The following ZNF474 variants were observed in gnomAD, a reference collection of about 807,000 sequenced individuals.
ZNF474 encodes the protein zinc finger protein 474, also known as 4933409D10Rik.
For missense variants in ZNF474, 511 were observed against 433.8 expected (o/e 1.18, Z -1.58); for synonymous variants, 192 against 162.2 (o/e 1.18, Z -1.39).
In ZNF474 at chr5:122,152,828, A is replaced by G; in HGVS notation, c.838A>G (p.Asn280Asp). The change falls in exon 2 of 2, where the codon AAT becomes GAT. Residue 280 changes from asparagine (N) to aspartate (D), a missense_variant. Transcript: ENST00000296600. ...TGCACAGTCCAGCCAAGCGGGACCAAATCAAGCTCAGCTTGTGTTCTGCCC... is the reference window on the plus strand; with the variant it reads ...TGCACAGTCCAGCCAAGCGGGACCAGATCAAGCTCAGCTTGTGTTCTGCCC... ...PNAQSSQAGPNQAQLVFCPHC... is the reference protein window; with the variant it reads ...PNAQSSQAGPDQAQLVFCPHC... 2 of 1,614,150 alleles carry G rather than the reference A, an allele frequency of 1.2e-6. No individual in the cohort carries two copies. Among genetic ancestry groups the G allele is most frequent in the Non-Finnish European group, 1.7e-6 (2 of 1,180,020 alleles).
chr5:122,151,349 G>A (rs564436756), intron 1 of ZNF474, among the ~76,000 whole-genome samples: 2 of 152,296 alleles, frequency 1.3e-5, no homozygotes, highest in East Asian at 1.9e-4. Context: ...GATCTCTGAC[G>A]TAGTGGAAGT....
intron 1 of ZNF474, among the ~76,000 whole-genome samples, chr5:122,147,632 T>C (rs1314246833): frequency 1.3e-5 from 2 of 152,074 alleles, no homozygotes; most frequent in East Asian, 3.9e-4. Context: ...GTGTTCGGCT[T>C]TCTGTCCTTG....
chr5:122,143,123 G>A (rs1032016973), intron 1 of ZNF474, among the ~76,000 whole-genome samples: 2 of 152,116 alleles, frequency 1.3e-5, no homozygotes, highest in Admixed American at 1.3e-4. Context: ...ACAGAAATAA[G>A]GCACAACTTT....
chr5:122,137,591 C>T (rs536458622), intron 1 of ZNF474, among the ~76,000 whole-genome samples: 12 of 151,266 alleles, frequency 7.9e-5, no homozygotes, highest in African/African-American at 2.9e-4. Context: ...AGAGCATGTG[C>T]AAAGCCTCTT....
In ZNF474 at chr5:122,153,270, C is replaced by T. The variant is rs1756248572; in HGVS notation, c.*185C>T. 3 of 611,864 alleles carry T rather than the reference C, an allele frequency of 4.9e-6. No homozygotes were observed. The highest frequency in any genetic ancestry group is 8.1e-6 in the Non-Finnish European group (3 of 372,162). 37.9% of individuals were successfully genotyped at this position (611,864 alleles called of 1,614,324 possible). A position where few individuals can be genotyped will look rare whatever the true frequency, so the allele number is the denominator to read the frequency against. ...TGCCTGATGGGTTCATATTCCTCTT[C>T]AATTCTGCTGTCTAAAAGAAGAAGA... On this transcript the variant is annotated 3_prime_UTR_variant, in exon 2 of 2. Coordinates refer to ENST00000296600, the MANE Select transcript of ZNF474 (RefSeq NM_207317.3).
intron 1 of ZNF474, among the ~76,000 whole-genome samples, chr5:122,134,012 G>T (rs1283226059): frequency 1.3e-5 from 2 of 152,064 alleles, no homozygotes; most frequent in Non-Finnish European, 2.9e-5. Flanking sequence ...AGACTATCTG[G>T]GTGAATGATA....
intron 1 of ZNF474, among the ~76,000 whole-genome samples, chr5:122,134,410 C>T (rs768934864): frequency 7.2e-5 from 11 of 152,134 alleles, no homozygotes; most frequent in Non-Finnish European, 2.9e-5. Context: ...TGATTAATAA[C>T]TTGATGTCTT....
In ZNF474 at chr5:122,152,930, A is replaced by G; in HGVS notation, c.940A>G (p.Lys314Glu). 6.2e-7 allele frequency: 1 copy of G among 1,607,890 alleles called. No homozygotes were observed. The highest frequency in any genetic ancestry group is 8.5e-7 in the Non-Finnish European group (1 of 1,179,898). The stretch of plus-strand genomic sequence containing the variant: ...TTGTAAAACTCATCCTTATGGGCCA[A>G]AATATCAGAATTTGAATTTAGGGAG... ...RSCKTHPYGP[K>E]YQNLNLGSKG... Residue 314 changes from lysine (K) to glutamate (E), a missense_variant, in exon 2 of 2, where the codon AAA (lysine) becomes GAA (glutamate). Transcript: ENST00000296600.
chr5:122,138,920 A>G (rs1269221376), intron 1 of ZNF474, among the ~76,000 whole-genome samples: 1 of 152,204 alleles, frequency 6.6e-6, no homozygotes, highest in Admixed American at 6.6e-5. Flanking sequence ...GAAAGAATGG[A>G]AAAATATATA....
At chr5:122,148,392 T>C (rs1272660358) in intron 1 of ZNF474, among the ~76,000 whole-genome samples, 2 of 152,214 alleles carry the variant, frequency 1.3e-5, no homozygotes, top group African/African-American at 2.4e-5. Flanking sequence ...AATGGACGTT[T>C]TGTGATGTTT....
chr5:122,133,420 T>C (rs1325514977), intron 1 of ZNF474, among the ~76,000 whole-genome samples: 1 of 152,240 alleles, frequency 6.6e-6, no homozygotes, highest in African/African-American at 2.4e-5. Flanking sequence ...CAGAAAATTA[T>C]AAACATTCAA....
intron 1 of ZNF474, among the ~76,000 whole-genome samples, chr5:122,143,485 T>G (rs1755902917): frequency 6.6e-6 from 1 of 152,160 alleles, no homozygotes. Flanking sequence ...ATCTGTGGAT[T>G]TTTCCATCCA....
chr5:122,139,636 C>G (rs1290795405), intron 1 of ZNF474, among the ~76,000 whole-genome samples: 2 of 151,924 alleles, frequency 1.3e-5, no homozygotes, highest in Non-Finnish European at 2.9e-5. Context: ...ATTTGAAAAA[C>G]TAGAAAACAA....
intron 1 of ZNF474, among the ~76,000 whole-genome samples, chr5:122,135,047 C>A (rs978108054): frequency 4.6e-5 from 7 of 152,178 alleles, no homozygotes; most frequent in African/African-American, 1.4e-4. Flanking sequence ...AAACAATCAA[C>A]AAAGTGAAGA....
chr5:122,149,536 C>G (rs1756107231), intron 1 of ZNF474, among the ~76,000 whole-genome samples: 1 of 152,104 alleles, frequency 6.6e-6, no homozygotes, highest in Non-Finnish European at 1.5e-5. Context: ...AGAAGCTCTG[C>G]TGGAGGAATT....
chr5:122,139,268 T>A (rs1755777708), intron 1 of ZNF474, among the ~76,000 whole-genome samples: 1 of 152,208 alleles, frequency 6.6e-6, no homozygotes. Context: ...AGTTTCTAAA[T>A]AAAGTTTTCA....
chr5:122,135,830 T>A (rs1755686414), intron 1 of ZNF474, among the ~76,000 whole-genome samples: 1 of 152,094 alleles, frequency 6.6e-6, no homozygotes, highest in Admixed American at 6.6e-5. Context: ...TAAAATCCTG[T>A]CATTTACAAC....
intron 1 of ZNF474, among the ~76,000 whole-genome samples, chr5:122,134,046 C>A (rs1755640093): frequency 6.6e-6 from 1 of 152,088 alleles, no homozygotes; most frequent in African/African-American, 2.4e-5. Flanking sequence ...ATATGCAATT[C>A]CAGAAGTAAG....
chr5:122,150,371 A>G (rs910706425), intron 1 of ZNF474, among the ~76,000 whole-genome samples: 6 of 152,152 alleles, frequency 3.9e-5, no homozygotes, highest in African/African-American at 1.4e-4. Context: ...CTGATTTGAT[A>G]CTCTTAAAGG....
Sources: gnomAD v4.1 joint callset for allele counts (sites outside exome capture counted in the v4.1 genomes callset) on GRCh38, gnomAD v4.1.1 for gene constraint, MANE v1.5 for transcripts, NCBI Gene and HGNC (gene_info 2026-07-23, HGNC 2026-07-21) for gene names.